Variants in C2CD5 observed in about 807,000 individuals in gnomAD.
C2CD5 encodes the protein C2 domain-containing protein 5.
Under a neutral mutation model 130.3 loss-of-function variants are expected in C2CD5, and 109 were observed. That is an observed-to-expected ratio of 0.84 (90% CI 0.72 to 0.98). The LOEUF (loss-of-function observed/expected upper bound fraction) is 0.98. Ranked by LOEUF, C2CD5 falls within the 50% of genes least tolerant of loss-of-function variation. C2CD5 has a pLI of 0.00. For synonymous variants in C2CD5, 454 were observed against 429.2 expected (o/e 1.06, Z -0.71); for missense variants, 996 against 1,261.8 (o/e 0.79, Z 3.19).
intron 10 of C2CD5, among the ~76,000 whole-genome samples, chr12:22,498,619 G>C (rs1413031616): frequency 6.6e-6 from 1 of 151,942 alleles, no homozygotes; most frequent in African/African-American, 2.4e-5. Context: ...TTCTAATTTT[G>C]AACTATTAAT....
Position 22,484,728 on chromosome 12 carries a change from C to A in C2CD5, c.1519G>T (p.Val507Phe). The change falls in exon 13 of 27, where the codon GTT becomes TTT. Residue 507 changes from valine to phenylalanine, a missense_variant. This residue lies in a region of C2CD5 where 590 missense variants were observed against 631.4 expected (regional missense o/e 0.93). Coordinates refer to ENST00000446597, the MANE Select transcript of C2CD5 (RefSeq NM_001286176.2). Reference protein sequence around the residue: ...TTIDLPTDATVIGKGCLIQAR... With the variant: ...TTIDLPTDATFIGKGCLIQAR... The stretch of plus-strand genomic sequence containing the variant: ...TGAATAAGACAACCTTTTCCAATAA[C>A]TGTTGCATCTGTTGGGAGGTCTATA... 6.3e-7 allele frequency: 1 copy of A among 1,593,092 alleles called. No individual in the cohort carries two copies. The highest frequency in any genetic ancestry group is 8.5e-7 in the Non-Finnish European group (1 of 1,172,124).
chr12:22,479,549 C>T (rs946671657), intron 14 of C2CD5, among the ~76,000 whole-genome samples: 1 of 152,164 alleles, frequency 6.6e-6, no homozygotes, highest in Non-Finnish European at 1.5e-5. Context: ...GGACAGGGAA[C>T]TTTCTCAAGC....
At chr12:22,530,968 C>T (rs1005286234) in intron 3 of C2CD5, among the ~76,000 whole-genome samples, 3 of 152,092 alleles carry the variant, frequency 2.0e-5, no homozygotes, top group Admixed American at 2.0e-4. Context: ...TTGCCTCCTC[C>T]CACCATTCCA....
rs748661728 is a variant in C2CD5 at position 22,469,812 on chromosome 12, A to G, written c.2447-17T>C. 1 of 1,458,800 alleles carries G rather than the reference A, an allele frequency of 6.9e-7. No homozygotes were observed. The highest frequency in any genetic ancestry group is 9.4e-7 in the Non-Finnish European group (1 of 1,060,708). 90.4% of individuals were successfully genotyped at this position (1,458,800 alleles called of 1,614,324 possible). A position where few individuals can be genotyped will look rare whatever the true frequency, so the allele number is the denominator to read the frequency against. On this transcript the variant is annotated splice_polypyrimidine_tract_variant and intron_variant, in intron 21 of 26. Transcript: ENST00000446597. ...CTGTTGAGGCTAGAAAGGCAAGAAA[A>G]TATCAGTTATTTAGTAATGATCTAT...
chr12:22,449,946 T>C, intron 26 of C2CD5, 55 bp from the exon 27 acceptor site: 1 of 1,479,994 alleles, frequency 6.8e-7, no homozygotes, highest in Non-Finnish European at 9.3e-7. Context: ...TTCATACTCT[T>C]CTGTTACATA....
intron 25 of C2CD5, among the ~76,000 whole-genome samples, chr12:22,456,324 CT>C (rs750135429): frequency 1.2e-4 from 18 of 152,182 alleles, no homozygotes; most frequent in Non-Finnish European, 2.5e-4. Flanking sequence ...TTGGTAGCCC[CT>C]GTTCCTTAAC....
chr12:22,479,289 G>T (rs983825625), intron 14 of C2CD5, among the ~76,000 whole-genome samples: 7 of 151,934 alleles, frequency 4.6e-5, no homozygotes, highest in Admixed American at 4.6e-4. Context: ...GGCCAGGCTG[G>T]TCTCCAACTC....
Position 22,472,754 on chromosome 12 carries a change from A to T in C2CD5, c.2097T>A (p.Pro699=). 6.4e-7 allele frequency: 1 copy of T among 1,565,570 alleles called. No individual in the cohort carries two copies. The highest frequency in any genetic ancestry group is 8.8e-7 in the Non-Finnish European group (1 of 1,136,410). Residue 699 remains proline, a synonymous_variant, in exon 17 of 27, where the codon CCT becomes CCA. Coordinates refer to ENST00000446597, the MANE Select transcript of C2CD5 (RefSeq NM_001286176.2). ...EDVHSLLTDV[P]PPSGFYSCNT... is the part of the protein sequence containing the mutation. The stretch of plus-strand genomic sequence containing the variant: ...AACTTTTTTGTTCACCTGAAGGAGG[A>T]GGAACATCAGTAAGTAGAGAATGGA...
intron 10 of C2CD5, among the ~76,000 whole-genome samples, chr12:22,500,350 T>G (rs1947603937): frequency 6.6e-6 from 1 of 152,132 alleles, no homozygotes; most frequent in Admixed American, 6.5e-5. Flanking sequence ...AAATGAGTAC[T>G]GGCTAGGACA....
intron 12 of C2CD5, among the ~76,000 whole-genome samples, chr12:22,488,451 C>G (rs1945875132): frequency 6.7e-6 from 1 of 149,526 alleles, no homozygotes; most frequent in Non-Finnish European, 1.5e-5. Flanking sequence ...TTTTTTACAA[C>G]TAGGGGTGGC....
intron 5 of C2CD5, among the ~76,000 whole-genome samples, chr12:22,524,998 T>A (rs1191239897): frequency 2.0e-5 from 3 of 152,228 alleles, no homozygotes; most frequent in African/African-American, 4.8e-5. Context: ...TGAATTTTTT[T>A]AAATCTTTAA....
chr12:22,490,227 G>A lies in C2CD5; in HGVS notation c.1263-9C>T, dbSNP rs750034816. ...AAATGCAGACCTCTTCACTATAAAG[G>A]AAAAAACACAAACAAGTTAACATTT... On this transcript the variant is annotated splice_polypyrimidine_tract_variant and intron_variant, in intron 11 of 26. Transcript: ENST00000446597. The A allele has an allele frequency of 1.9e-6, 3 of 1,583,796 alleles. No homozygotes were observed. The highest frequency in any genetic ancestry group is 1.1e-5 in the South Asian group (1 of 89,862).
chr12:22,504,933 T>C (rs929830919), intron 10 of C2CD5, among the ~76,000 whole-genome samples: 1 of 151,916 alleles, frequency 6.6e-6, no homozygotes, highest in East Asian at 1.9e-4. Flanking sequence ...AAACATCTTA[T>C]ATTGACCACA....
chr12:22,519,382 G>A, intron 7 of C2CD5: 1 of 569,264 alleles, frequency 1.8e-6, no homozygotes, highest in Non-Finnish European at 2.9e-6. Context: ...AAAACAAGTT[G>A]AAATTGAAAA....
At chr12:22,460,409 AT>A (rs1477403105) in intron 22 of C2CD5, 1 of 152,190 alleles carries the variant, frequency 6.6e-6, no homozygotes, top group Non-Finnish European at 1.5e-5. Flanking sequence ...TAGTTTAAGT[AT>A]AGATAGATAA....
At position 22,471,990 on chromosome 12, in the gene C2CD5, C is replaced by A; in HGVS notation, c.2245G>T (p.Asp749Tyr). The A allele has an allele frequency of 6.2e-7, 1 of 1,605,904 alleles. No homozygotes were observed. Among genetic ancestry groups the A allele is most frequent in the South Asian group, 1.1e-5 (1 of 90,802 alleles). Residue 749 changes from aspartate to tyrosine, a missense_variant, in exon 19 of 27, where the codon GAT becomes TAT. Transcript: ENST00000446597. ...ACCTTGAGCAAATTTTCACAGAGAT[C>A]ATTAAAGTTCTTATTGAGAGCTTGA... ...TNQALNKNFNDLCENLLKSLY... is the reference protein window; with the variant it reads ...TNQALNKNFNYLCENLLKSLY...
intron 11 of C2CD5, 45 bp from the exon 12 acceptor site, chr12:22,490,263 A>T (rs369868706): frequency 7.3e-7 from 1 of 1,362,066 alleles, no homozygotes; most frequent in Non-Finnish European, 1.0e-6. Flanking sequence ...TTCAGACCGT[A>T]TAACTTTGGG....
intron 10 of C2CD5, among the ~76,000 whole-genome samples, chr12:22,505,013 C>T (rs1436199494): frequency 6.6e-6 from 1 of 152,070 alleles, no homozygotes; most frequent in African/African-American, 2.4e-5. Context: ...TTAGAAGATG[C>T]ATTTGCCCAG....
chr12:22,501,082 T>C (rs1353049982), intron 10 of C2CD5, among the ~76,000 whole-genome samples: 1 of 152,240 alleles, frequency 6.6e-6, no homozygotes, highest in Non-Finnish European at 1.5e-5. Flanking sequence ...CAAGTTATTT[T>C]TCCTAAACAA....
Sources: gnomAD v4.1 joint callset for allele counts (sites outside exome capture counted in the v4.1 genomes callset) on GRCh38, gnomAD v4.1.1 for gene constraint, gnomAD v4.1.1 regional missense constraint, MANE v1.5 for transcripts, NCBI Gene and HGNC (gene_info 2026-07-23, HGNC 2026-07-21) for gene names.